Variants in ST8SIA5 observed in about 807,000 individuals in gnomAD.
ST8SIA5 encodes alpha-2,8-sialyltransferase 8E.
In ST8SIA5, 24 loss-of-function variants were observed where a neutral mutation model predicts 40.2. The ratio of observed to expected loss-of-function variants is 0.60; its 90% CI spans 0.43 to 0.84. The LOEUF is 0.84. Ranked by LOEUF, ST8SIA5 falls within the 40% of genes least tolerant of loss-of-function variation. The pLI is 0.00. For missense variants in ST8SIA5, 465 were observed against 498.5 expected (o/e 0.93, Z 0.64); for synonymous variants, 198 against 201.8 (o/e 0.98, Z 0.16).
intron 2 of ST8SIA5, 131 bp downstream of exon 2, chr18:46,704,441 C>G (rs991871475): frequency 2.6e-6 from 2 of 769,678 alleles, no homozygotes; most frequent in Admixed American, 4.3e-5. Context: ...GGGAAGGAGA[C>G]CTACTTTTCG....
chr18:46,686,194 G>A lies in ST8SIA5; in HGVS notation c.549C>T (p.Asn183=), dbSNP rs769032141. ...LKNSRCGREI[N]SADFVFRCNL... Reference sequence around the variant, plus strand: ...TTTACCGGAAGACGAAGTCGGCGCTGTTGATCTCCCTCCCGCAGCGGCTGT... The same window carrying A: ...TTTACCGGAAGACGAAGTCGGCGCTATTGATCTCCCTCCCGCAGCGGCTGT... The change falls in exon 5 of 7, where the codon AAC becomes AAT. Residue 183 remains asparagine, a synonymous_variant. Coordinates refer to ENST00000315087, the MANE Select transcript of ST8SIA5 (RefSeq NM_013305.6). 1.2e-6 allele frequency: 2 copies of A among 1,614,218 alleles called. No individual in the cohort carries two copies. The highest frequency in any genetic ancestry group is 1.1e-5 in the South Asian group (1 of 91,080).
At chr18:46,750,719 C>T (rs540198410) in intron 1 of ST8SIA5, among the ~76,000 whole-genome samples, 3 of 152,294 alleles carry the variant, frequency 2.0e-5, no homozygotes, top group Admixed American at 2.0e-4. Context: ...CCTCATTCCC[C>T]TCCACCTCTC....
intron 2 of ST8SIA5, among the ~76,000 whole-genome samples, chr18:46,693,821 C>T (rs574896635): frequency 6.6e-6 from 1 of 152,206 alleles, no homozygotes; most frequent in African/African-American, 2.4e-5. Context: ...CCTCTTTCAG[C>T]AGTGCCTAAG....
chr18:46,678,683 G>C lies in ST8SIA5; in HGVS notation c.*1359C>G, dbSNP rs1266059283. On this transcript the variant is annotated 3_prime_UTR_variant, in exon 7 of 7. Coordinates refer to ENST00000315087, the MANE Select transcript of ST8SIA5 (RefSeq NM_013305.6). Reference sequence around the variant, plus strand: ...GAAGGGAGGGAAGGAGAAAGGGGAGGAGGCAGGGAGAAAGGAAGGAGGGAG... The same window carrying C: ...GAAGGGAGGGAAGGAGAAAGGGGAGCAGGCAGGGAGAAAGGAAGGAGGGAG... 6.6e-6 allele frequency: 1 copy of C among 152,512 alleles called. No homozygotes were observed. Among genetic ancestry groups the C allele is most frequent in the Middle Eastern group, 2.6e-3 (1 of 392 alleles). 9.4% of individuals were successfully genotyped at this position (152,512 alleles called of 1,614,324 possible).
chr18:46,710,857 G>C (rs1166958480), intron 1 of ST8SIA5, among the ~76,000 whole-genome samples: 1 of 152,078 alleles, frequency 6.6e-6, no homozygotes, highest in Non-Finnish European at 1.5e-5. Flanking sequence ...TACAAGATGA[G>C]GTCCATGCAT....
chr18:46,738,462 C>T (rs2040056457), intron 1 of ST8SIA5, among the ~76,000 whole-genome samples: 1 of 152,166 alleles, frequency 6.6e-6, no homozygotes, highest in South Asian at 2.1e-4. Context: ...GGTCCTCATT[C>T]TCAGGCTCAT....
At chr18:46,738,120 G>T (rs745646293) in intron 1 of ST8SIA5, among the ~76,000 whole-genome samples, 5 of 152,012 alleles carry the variant, frequency 3.3e-5, no homozygotes, top group Non-Finnish European at 7.4e-5. Flanking sequence ...GGGAGGAGGG[G>T]TGTCCCTAGG....
intron 1 of ST8SIA5, among the ~76,000 whole-genome samples, chr18:46,712,945 G>A (rs904712932): frequency 6.6e-6 from 1 of 152,222 alleles, no homozygotes; most frequent in Admixed American, 6.5e-5. Context: ...AGATGTGTGG[G>A]AAGAACTTCC....
intron 1 of ST8SIA5, among the ~76,000 whole-genome samples, chr18:46,725,972 A>AAAAAATATATATATAT (rs59660372): frequency 6.9e-5 from 2 of 29,092 alleles, no homozygotes; most frequent in Admixed American, 4.5e-4. Flanking sequence ...AAAAAAAAAA[A>AAAAAATATATATATAT]ATATATATAT....
chr18:46,687,502 A>G (rs894368018), intron 4 of ST8SIA5, among the ~76,000 whole-genome samples: 2 of 152,116 alleles, frequency 1.3e-5, no homozygotes, highest in African/African-American at 4.8e-5. Flanking sequence ...ACCCACTGGC[A>G]TTACCTGCGT....
chr18:46,680,068 G>A lies in ST8SIA5; in HGVS notation c.1105C>T (p.His369Tyr). Reference protein sequence around the residue: ...HLHSRGILRVHTGTCSCC With the variant: ...HLHSRGILRVYTGTCSCC Reference sequence around the variant, plus strand: ...CAGCAGCAGCTGCAGGTGCCCGTGTGCACGCGGAGGATGCCTCGGCTGTGC... The same window carrying A: ...CAGCAGCAGCTGCAGGTGCCCGTGTACACGCGGAGGATGCCTCGGCTGTGC... Residue 369 changes from histidine (H) to tyrosine (Y), a missense_variant, in exon 7 of 7, where the codon CAC becomes TAC. By Grantham distance (83) the His-to-Tyr change is moderately conservative. Transcript: ENST00000315087. The A allele has an allele frequency of 6.2e-7, 1 of 1,611,384 alleles. No homozygotes were observed. The highest frequency in any genetic ancestry group is 2.2e-5 in the East Asian group (1 of 44,860).
chr18:46,742,497 A>G (rs989315061), intron 1 of ST8SIA5, among the ~76,000 whole-genome samples: 1 of 152,250 alleles, frequency 6.6e-6, no homozygotes, highest in African/African-American at 2.4e-5. Flanking sequence ...AACACCAAAA[A>G]AGTGAAAAGA....
intron 3 of ST8SIA5, among the ~76,000 whole-genome samples, chr18:46,690,470 A>AC (rs1290569965): frequency 6.6e-6 from 1 of 151,750 alleles, no homozygotes; most frequent in Non-Finnish European, 1.5e-5. Flanking sequence ...ACTGCTCCAC[A>AC]CCCCTCATGC....
intron 3 of ST8SIA5, 54 bp downstream of exon 3, chr18:46,692,115 T>C: frequency 6.4e-7 from 1 of 1,569,280 alleles, no homozygotes; most frequent in East Asian, 2.2e-5. Flanking sequence ...CCAGAAGAGG[T>C]GGCAGTGAGG....
chr18:46,686,379 C>T (rs1568250693), intron 4 of ST8SIA5, 93 bp from the exon 5 acceptor site: 2 of 1,000,814 alleles, frequency 2.0e-6, no homozygotes, highest in East Asian at 5.1e-5. Context: ...CCTATATTAG[C>T]TCCTGGTCCC....
At chr18:46,749,771 T>G (rs996638973) in intron 1 of ST8SIA5, among the ~76,000 whole-genome samples, 1 of 152,250 alleles carries the variant, frequency 6.6e-6, no homozygotes, top group African/African-American at 2.4e-5. Context: ...TAATTGTTTG[T>G]GTCCCCCCAA....
intron 1 of ST8SIA5, among the ~76,000 whole-genome samples, chr18:46,739,119 G>A (rs926022456): frequency 6.6e-6 from 1 of 152,204 alleles, no homozygotes; most frequent in Non-Finnish European, 1.5e-5. Context: ...TCAGAGGAGA[G>A]AAAGAACACC....
At chr18:46,739,362 C>T (rs1402797300) in intron 1 of ST8SIA5, among the ~76,000 whole-genome samples, 1 of 152,028 alleles carries the variant, frequency 6.6e-6, no homozygotes, top group Non-Finnish European at 1.5e-5. Flanking sequence ...GCCAACATAG[C>T]GAAACCCCGA....
chr18:46,750,804 T>C (rs1310204182), intron 1 of ST8SIA5, among the ~76,000 whole-genome samples: 2 of 152,154 alleles, frequency 1.3e-5, no homozygotes, highest in African/African-American at 4.8e-5. Context: ...AGGCTCTCCT[T>C]TGTGCCCAGA....
Sources: allele counts gnomAD v4.1 joint callset (sites outside exome capture counted in the v4.1 genomes callset), GRCh38; gene constraint gnomAD v4.1.1; transcripts MANE v1.5; gene names NCBI Gene and HGNC (gene_info 2026-07-23, HGNC 2026-07-21).